The following TBC1D4 variants were observed in gnomAD, a reference collection of about 807,000 sequenced individuals.
TBC1D4 encodes TBC1 domain family member 4, also known as TBC (Tre-2, BUB2, CDC16) domain-containing protein.
TBC1D4 carries 121 observed loss-of-function variants against 142.5 expected under a neutral mutation model. The ratio of observed to expected loss-of-function variants is 0.85; its 90% CI spans 0.73 to 0.99. TBC1D4 has a LOEUF of 0.99. Ranked by LOEUF, TBC1D4 falls within the 50% of genes least tolerant of loss-of-function variation. The pLI, the probability that TBC1D4 is intolerant of heterozygous loss-of-function variation, is 0.00. For missense variants in TBC1D4, 1,475 were observed against 1,606.6 expected, an observed-to-expected ratio of 0.92 and a Z score of 1.40; for synonymous variants, 630 against 628.2, an observed-to-expected ratio of 1.00 and a Z score of -0.04.
chr13:75,458,423 T>C (rs1025427918), intron 1 of TBC1D4, among the ~76,000 whole-genome samples: 11 of 152,208 alleles, frequency 7.2e-5, no homozygotes, highest in African/African-American at 2.4e-4. Context: ...AGGGTTTATA[T>C]GGGCTCGAGG....
At chr13:75,300,206 T>C (rs1369877352) in intron 16 of TBC1D4, among the ~76,000 whole-genome samples, 1 of 152,118 alleles carries the variant, frequency 6.6e-6, no homozygotes, top group Non-Finnish European at 1.5e-5. Context: ...TCTAAAAATA[T>C]CAAGGAAAAT....
intron 14 of TBC1D4, among the ~76,000 whole-genome samples, chr13:75,307,404 T>C (rs1006240617): frequency 4.6e-5 from 7 of 152,192 alleles, no homozygotes; most frequent in African/African-American, 1.7e-4. Context: ...AAGAAATGTC[T>C]ATAAAAGCAA....
At chr13:75,470,369 A>T (rs148658322) in intron 1 of TBC1D4, among the ~76,000 whole-genome samples, 2 of 152,310 alleles carry the variant, frequency 1.3e-5, no homozygotes, top group Non-Finnish European at 2.9e-5. Context: ...GTATTGTCAA[A>T]GTGTGGGCAC....
chr13:75,390,001 C>A (rs540574125), intron 1 of TBC1D4, among the ~76,000 whole-genome samples: 1 of 152,078 alleles, frequency 6.6e-6, no homozygotes, highest in Non-Finnish European at 1.5e-5. Flanking sequence ...AGAGGCTGGG[C>A]ATGGTGGCTC....
intron 19 of TBC1D4, among the ~76,000 whole-genome samples, chr13:75,289,852 T>A (rs554139702): frequency 4.5e-4 from 68 of 152,276 alleles, no homozygotes; most frequent in Middle Eastern, 3.4e-3. Flanking sequence ...AGACAACAGC[T>A]GCTATTCAAG....
Position 75,349,043 on chromosome 13 carries a change from T to A in TBC1D4, c.1408+127A>T, listed in dbSNP as rs920511320. ...CAGCCCACTCACATTTGAGTGGACA[T>A]GAGAAATGATTCTTTGGGTTCTTGT... On this transcript the variant is annotated intron_variant, in intron 5 of 20. Transcript: ENST00000377636. The A allele has an allele frequency of 6.4e-6, 9 of 1,407,932 alleles. No individual in the cohort carries two copies. The East Asian group carries it at 2.0e-4, about 32-fold the overall frequency. The allele number at this position is 1,407,932 out of a possible 1,614,324, so 87.2% of individuals were successfully genotyped here. A position where few individuals can be genotyped will look rare whatever the true frequency, so the allele number is the denominator to read the frequency against.
chr13:75,336,844 T>G, intron 8 of TBC1D4, 77 bp downstream of exon 8: 1 of 1,512,252 alleles, frequency 6.6e-7, no homozygotes, highest in East Asian at 2.3e-5. Context: ...AGGAAATCAG[T>G]GAGCCTGTTG....
At chr13:75,367,276 G>A (rs1882969000) in intron 1 of TBC1D4, among the ~76,000 whole-genome samples, 1 of 152,012 alleles carries the variant, frequency 6.6e-6, no homozygotes, top group African/African-American at 2.4e-5. Flanking sequence ...TACTAATTAT[G>A]GATATAAGAG....
intron 1 of TBC1D4, among the ~76,000 whole-genome samples, chr13:75,431,252 T>C (rs1428199115): frequency 6.6e-6 from 1 of 152,222 alleles, no homozygotes; most frequent in Non-Finnish European, 1.5e-5. Flanking sequence ...TGGCTTTGTT[T>C]CCATGCAATT....
intron 5 of TBC1D4, 51 bp from the exon 6 acceptor site, chr13:75,341,638 C>A (rs760879198): frequency 6.9e-7 from 1 of 1,439,246 alleles, no homozygotes; most frequent in Non-Finnish European, 9.8e-7. Context: ...CAGCAGAGAT[C>A]CAGGGGCAGA....
chr13:75,300,404 A>G (rs1303329869), intron 16 of TBC1D4, among the ~76,000 whole-genome samples: 1 of 152,210 alleles, frequency 6.6e-6, no homozygotes, highest in Non-Finnish European at 1.5e-5. Flanking sequence ...TAGGGCCACA[A>G]AAATGAAGGG....
intron 11 of TBC1D4, among the ~76,000 whole-genome samples, chr13:75,321,944 C>T (rs1435561702): frequency 6.6e-6 from 1 of 152,212 alleles, no homozygotes; most frequent in Non-Finnish European, 1.5e-5. Flanking sequence ...AGAATATAGG[C>T]TGTATCATTC....
chr13:75,414,615 G>T (rs1885833765), intron 1 of TBC1D4, among the ~76,000 whole-genome samples: 1 of 151,992 alleles, frequency 6.6e-6, no homozygotes, highest in Non-Finnish European at 1.5e-5. Context: ...GTGTAGGTGT[G>T]GTCTGTGTGG....
At chr13:75,410,088 A>G (rs527643196) in intron 1 of TBC1D4, among the ~76,000 whole-genome samples, 4 of 152,282 alleles carry the variant, frequency 2.6e-5, no homozygotes, top group Admixed American at 1.3e-4. Context: ...CTCTCAGAGT[A>G]TTGTTGTGAG....
chr13:75,430,504 G>T (rs1252882334), intron 1 of TBC1D4, among the ~76,000 whole-genome samples: 1 of 152,108 alleles, frequency 6.6e-6, no homozygotes, highest in Non-Finnish European at 1.5e-5. Context: ...TGACCAAAGG[G>T]TCACACTACC....
At chr13:75,479,334 G>A (rs1593931963) in intron 1 of TBC1D4, among the ~76,000 whole-genome samples, 1 of 152,068 alleles carries the variant, frequency 6.6e-6, no homozygotes, top group East Asian at 1.9e-4. Flanking sequence ...AAAGTTAGAG[G>A]TTTTCTTGAA....
chr13:75,399,586 G>GA (rs926465532), intron 1 of TBC1D4, among the ~76,000 whole-genome samples: 4 of 152,198 alleles, frequency 2.6e-5, no homozygotes, highest in Admixed American at 2.0e-4. Flanking sequence ...ATCTGAGTCG[G>GA]AGCCTGATGC....
chr13:75,326,242 C>A lies in TBC1D4; in HGVS notation c.1988G>T (p.Gly663Val). The stretch of plus-strand genomic sequence containing the variant: ...CTGCCTCAGCAGAGGGGAACGCACA[C>A]CCTGAGCCCTCCCATCCTGCAAATT... The part of the protein sequence containing the change: ...KLNLQDGRAQ[G>V]VRSPLLRQSS... The change falls in exon 10 of 21, where the codon GGT (glycine) becomes GTT (valine). Residue 663 changes from glycine (G) to valine (V), a missense_variant. Around this residue, in one of 2 missense-constraint regions of TBC1D4, gnomAD observed 1,227 missense variants for 1,267.7 expected, o/e 0.97. Transcript: ENST00000377636. The A allele has an allele frequency of 6.2e-7, 1 of 1,614,128 alleles. No individual in the cohort carries two copies. The highest frequency in any genetic ancestry group is 8.5e-7 in the Non-Finnish European group (1 of 1,180,026).
At chr13:75,365,332 GTT>G (rs72296888) in intron 1 of TBC1D4, among the ~76,000 whole-genome samples, 7 of 137,702 alleles carry the variant, frequency 5.1e-5, no homozygotes, top group African/African-American at 7.8e-5. Flanking sequence ...CAACAGCTCT[GTT>G]TTTTTTTTTT....
Sources: gnomAD v4.1 joint callset for allele counts (sites outside exome capture counted in the v4.1 genomes callset) on GRCh38, gnomAD v4.1.1 for gene constraint, gnomAD v4.1.1 regional missense constraint, MANE v1.5 for transcripts, NCBI Gene and HGNC (gene_info 2026-07-23, HGNC 2026-07-21) for gene names.